Variants in AKNA observed in about 807,000 individuals in gnomAD.
AKNA encodes the protein microtubule organization protein AKNA.
AKNA carries 67 observed loss-of-function variants against 138.8 expected under a neutral mutation model. The ratio of observed to expected loss-of-function variants is 0.48; its 90% confidence interval spans 0.40 to 0.59. The LOEUF (loss-of-function observed/expected upper bound fraction) is 0.59, where lower values mean the gene tolerates loss of function less well. AKNA is among the 20% of genes least tolerant of loss of function. The pLI is 0.00. For synonymous variants in AKNA, 737 were observed against 754.4 expected, an observed-to-expected ratio of 0.98 and a Z score of 0.38; for missense variants, 1,813 against 1,880.4, an observed-to-expected ratio of 0.96 and a Z score of 0.66.
At chr9:114,394,267 G>A (rs1279002867) in intron 1 of AKNA, 3 of 152,014 alleles carry the variant, frequency 2.0e-5, no homozygotes, top group Non-Finnish European at 4.4e-5. Context: ...TTCCTTTTGG[G>A]TATTTTTCAA....
At chr9:114,395,205 T>C (rs192949894), upstream of AKNA, among the ~76,000 whole-genome samples, 130 of 152,216 alleles carry the variant, frequency 8.5e-4, no homozygotes, top group Non-Finnish European at 2.6e-4. Context: ...GATATCCTCA[T>C]CTACAGACAG....
chr9:114,337,407 G>A, intron 21 of AKNA, 101 bp from the exon 22 acceptor site: 1 of 1,244,912 alleles, frequency 8.0e-7, no homozygotes, highest in South Asian at 2.7e-5. Context: ...TCCCAGCTGG[G>A]CCAGTGGCTC....
At chr9:114,331,246 T>C (rs1286447444), downstream of AKNA, among the ~76,000 whole-genome samples, 1 of 152,090 alleles carries the variant, frequency 6.6e-6, no homozygotes, top group African/African-American at 2.4e-5. Flanking sequence ...AGGTGGCACA[T>C]GGCAGGGATC....
At position 114,376,545 on chromosome 9, in the gene AKNA, G is replaced by A; in HGVS notation, c.1262C>T (p.Pro421Leu). The A allele has an allele frequency of 6.2e-7, 1 of 1,614,138 alleles. No individual in the cohort carries two copies. The highest frequency in any genetic ancestry group is 8.5e-7 in the Non-Finnish European group (1 of 1,180,010). The change falls in exon 3 of 22, where the codon CCT becomes CTT. Residue 421 changes from proline (P) to leucine (L), a missense_variant. Physicochemically the swap from Pro to Leu is moderately conservative, Grantham distance 98 (BLOSUM62 -3). Transcript: ENST00000374088. The part of the protein sequence containing the change: ...SGEAALAKDT[P>L]PAHPITRVPQ... The stretch of plus-strand genomic sequence containing the variant: ...TACCCTGGTGATAGGGTGGGCAGGA[G>A]GCGTGTCCTTTGCCAGGGCTGCTTC...
intron 15 of AKNA, among the ~76,000 whole-genome samples, chr9:114,348,107 G>A (rs1296519322): frequency 6.6e-6 from 1 of 152,218 alleles, no homozygotes; most frequent in Non-Finnish European, 1.5e-5. Flanking sequence ...TCCCTGTGCA[G>A]TGAACAAAAC....
intron 14 of AKNA, among the ~76,000 whole-genome samples, chr9:114,354,037 G>C (rs768896427): frequency 1.4e-4 from 22 of 152,098 alleles, no homozygotes; most frequent in Admixed American, 3.3e-4. Context: ...AATTAATCAA[G>C]TTTAACTTAC....
intron 17 of AKNA, 110 bp from the exon 18 acceptor site, chr9:114,346,119 T>TC (rs1415327169): frequency 1.0e-5 from 11 of 1,074,612 alleles, no homozygotes; most frequent in African/African-American, 1.6e-5. Context: ...TGGGTTTTAA[T>TC]CCCCAGTCTC....
chr9:114,385,025 AT>A (rs1308424724), intron 1 of AKNA, among the ~76,000 whole-genome samples: 1 of 151,460 alleles, frequency 6.6e-6, no homozygotes, highest in Non-Finnish European at 1.5e-5. Flanking sequence ...AATTTTAAAA[AT>A]TTTTTTTTGT....
chr9:114,367,733 A>G, intron 5 of AKNA, 36 bp from the exon 6 acceptor site: 2 of 1,519,116 alleles, frequency 1.3e-6, no homozygotes, highest in South Asian at 2.5e-5. Flanking sequence ...GGGGCCAAGA[A>G]CAGTCCTTCC....
chr9:114,357,215 TGGC>T (rs143965882), intron 12 of AKNA, among the ~76,000 whole-genome samples: 5,051 of 152,060 alleles, frequency 0.033, 279 homozygotes, highest in African/African-American at 0.12. Context: ...CCCTGAGGGG[TGGC>T]AGCCAGAGCC....
intron 4 of AKNA, among the ~76,000 whole-genome samples, chr9:114,373,277 T>TC (rs1481362378): frequency 1.3e-5 from 2 of 151,622 alleles, no homozygotes; most frequent in African/African-American, 4.8e-5. Context: ...CACAGCCTCC[T>TC]CCGAAGACGG....
At chr9:114,332,302 C>A (rs1422222987), downstream of AKNA, among the ~76,000 whole-genome samples, 7 of 152,164 alleles carry the variant, frequency 4.6e-5, no homozygotes, top group Admixed American at 4.6e-4. Context: ...AATACCCGTG[C>A]AGTGGGGAAT....
In AKNA at chr9:114,374,179, G is replaced by C; in HGVS notation, c.1342-12C>G. On this transcript the variant is annotated splice_polypyrimidine_tract_variant and intron_variant, in intron 3 of 21. Transcript: ENST00000374088. ...CTGTGGTAGTCTTCCTGCAGAAAGCGGGAGCAACACGGTCACATGCGCAGG... is the reference window on the plus strand; with the variant it reads ...CTGTGGTAGTCTTCCTGCAGAAAGCCGGAGCAACACGGTCACATGCGCAGG... 1 of 1,553,938 alleles carries C rather than the reference G, an allele frequency of 6.4e-7. No homozygotes were observed.
At position 114,341,558 on chromosome 9, in the gene AKNA, T is replaced by C. The variant is rs59274247; in HGVS notation, c.4042A>G (p.Ile1348Val). ...ACAGCGGCAGGTGGATAAGGCATGATGGGAACCGAGGAGATGTAGGCAAAG... is the reference window on the plus strand; with the variant it reads ...ACAGCGGCAGGTGGATAAGGCATGACGGGAACCGAGGAGATGTAGGCAAAG... ...PAFAYISSVP[I>V]MPYPPAAVYY... The change falls in exon 21 of 22, where the codon ATC becomes GTC. Residue 1348 changes from isoleucine (I) to valine (V), a missense_variant. Physicochemically the swap from Ile to Val is conservative, Grantham distance 29 (BLOSUM62 3). Transcript: ENST00000374088. 0.01 allele frequency: 16,248 copies of C among 1,613,908 alleles called. 1,475 individuals are homozygous for C. The African/African-American group carries it at 0.19, about 19-fold the overall frequency.
At position 114,377,334 on chromosome 9, in the gene AKNA, G is replaced by C. The variant is rs754241159; in HGVS notation, c.473C>G (p.Thr158Ser). The C allele has an allele frequency of 3.1e-6, 5 of 1,614,050 alleles. No individual in the cohort carries two copies. The highest frequency in any genetic ancestry group is 4.2e-6 in the Non-Finnish European group (5 of 1,179,974). Residue 158 changes from threonine to serine, a missense_variant, in exon 3 of 22, where the codon ACC becomes AGC. By Grantham distance (58) the Thr-to-Ser change is moderately conservative. Transcript: ENST00000374088. ...ACCATGCCCAAGAGCCATGGGGCTG[G>C]TGTTTCCATGGCCTTCCAAGCTGAG... ...AGLSLEGHGN[T>S]SPMALGHGQA...
intron 1 of AKNA, among the ~76,000 whole-genome samples, chr9:114,383,482 G>A (rs1833829426): frequency 6.6e-6 from 1 of 152,150 alleles, no homozygotes; most frequent in Admixed American, 6.5e-5. Context: ...GGCCCCCAGA[G>A]CAGCTCACAC....
chr9:114,381,461 T>G lies in AKNA; in HGVS notation c.-113-15A>C, dbSNP rs1027147940. The G allele has an allele frequency of 7.0e-7, 1 of 1,419,962 alleles. No individual in the cohort carries two copies. The allele number at this position is 1,419,962 out of a possible 1,614,324, so 88.0% of individuals were successfully genotyped here. A position where few individuals can be genotyped will look rare whatever the true frequency, so the allele number is the denominator to read the frequency against. Reference sequence around the variant, plus strand: ...CTGCCTGTGCCCTGTCAGGGACACATTCAAGAGAGAACATTAATCAATCCT... The same window carrying G: ...CTGCCTGTGCCCTGTCAGGGACACAGTCAAGAGAGAACATTAATCAATCCT... On this transcript the variant is annotated splice_polypyrimidine_tract_variant and intron_variant, in intron 1 of 21. Coordinates refer to ENST00000374088, the MANE Select transcript of AKNA (RefSeq NM_001317950.2).
At chr9:114,360,526 T>C (rs1047130758) in intron 9 of AKNA, among the ~76,000 whole-genome samples, 1 of 152,250 alleles carries the variant, frequency 6.6e-6, no homozygotes, top group African/African-American at 2.4e-5. Context: ...CTTAAGATAT[T>C]GTACTCAGGT....
At chr9:114,345,574 C>G (rs1830626126) in intron 18 of AKNA, 1 of 305,426 alleles carries the variant, frequency 3.3e-6, no homozygotes, top group African/African-American at 2.2e-5. Flanking sequence ...CACAGGTGAT[C>G]AGAACTTCTT....
Sources: allele counts gnomAD v4.1 joint callset (sites outside exome capture counted in the v4.1 genomes callset), GRCh38; gene constraint gnomAD v4.1.1; transcripts MANE v1.5; gene names NCBI Gene and HGNC (gene_info 2026-07-23, HGNC 2026-07-21).